Variants in TEKT4 observed in about 807,000 individuals in gnomAD.
The protein encoded by TEKT4 is tektin-4.
TEKT4 carries 46 observed loss-of-function variants against 46.0 expected under a neutral mutation model. That is an observed-to-expected ratio of 1.00 (90% CI 0.79 to 1.28). The LOEUF (loss-of-function observed/expected upper bound fraction) is 1.28. Among genes scored for constraint, TEKT4 ranks in the 50% most tolerant of loss-of-function variants. TEKT4 has a pLI of 0.00. For synonymous variants in TEKT4, 325 were observed against 265.8 expected (o/e 1.22, Z -2.17); for missense variants, 790 against 622.9 (o/e 1.27, Z -2.85).
chr2:94,874,592 G>A (rs1553395728), intron 3 of TEKT4, among the ~76,000 whole-genome samples, 184 bp from the exon 4 acceptor site: 1 of 151,790 alleles, frequency 6.6e-6, no homozygotes, highest in African/African-American at 2.4e-5. Context: ...AGAAGTTGTG[G>A]CCAGGGGGCA....
At chr2:94,873,138 G>A in intron 1 of TEKT4, 1 of 1,225,066 alleles carries the variant, frequency 8.2e-7, no homozygotes, top group Non-Finnish European at 1.0e-6. Flanking sequence ...CTGAGGGGCA[G>A]CCTGGGCGGG....
chr2:94,872,111 G>A (rs1486231049), intron 1 of TEKT4, 34 bp downstream of exon 1: 1 of 1,496,412 alleles, frequency 6.7e-7, no homozygotes, highest in Non-Finnish European at 8.9e-7. Context: ...GGATTTGTGG[G>A]CGCAGAGAGG....
At chr2:94,873,824 G>T in intron 2 of TEKT4, 141 bp from the exon 3 acceptor site, 1 of 1,297,884 alleles carries the variant, frequency 7.7e-7, no homozygotes, top group Non-Finnish European at 1.1e-6. Context: ...CCTGGTCACT[G>T]CTGAGCACGA....
In TEKT4 at chr2:94,871,836, ACT is replaced by A. The variant is rs1553394592; in HGVS notation, c.259_260del (p.Ser87HisfsTer21). 5 of 1,607,516 alleles carry A rather than the reference ACT, an allele frequency of 3.1e-6. No homozygotes were observed. The Admixed American group carries it at 8.4e-5, about 27-fold the overall frequency. The stretch of plus-strand genomic sequence containing the variant: ...GCGCTGGCGCAGCGCACGCAGCAAG[ACT>A]CCACGCGCACAGTGGGCGAGCGACT... On this transcript the variant is annotated frameshift_variant, in exon 1 of 6. Coordinates refer to ENST00000295201, the MANE Select transcript of TEKT4 (RefSeq NM_144705.4). LOFTEE classifies it high-confidence loss of function.
chr2:94,872,868 A>T lies in TEKT4; in HGVS notation c.499-652A>T, dbSNP rs781933703. 198 of 1,289,170 alleles carry T rather than the reference A, an allele frequency of 1.5e-4. 4 individuals carry two copies. The highest frequency in any genetic ancestry group is 5.5e-5 in the Non-Finnish European group (54 of 988,856). The allele number at this position is 1,289,170 out of a possible 1,614,324, so 79.9% of individuals were successfully genotyped here. Reference sequence around the variant, plus strand: ...CCTCAAGAACTCCTGCAGCTCCCGCAAACTCTCTGCCCGCAACAAGGGCAC... The same window carrying T: ...CCTCAAGAACTCCTGCAGCTCCCGCTAACTCTCTGCCCGCAACAAGGGCAC... On this transcript the variant is annotated intron_variant, in intron 1 of 5. Transcript: ENST00000295201.
At position 94,873,945 on chromosome 2, in the gene TEKT4, C is replaced by G. The variant is rs1680699205; in HGVS notation, c.570-20C>G. On this transcript the variant is annotated intron_variant, in intron 2 of 5. Coordinates refer to ENST00000295201, the MANE Select transcript of TEKT4 (RefSeq NM_144705.4). Reference sequence around the variant, plus strand: ...GCCCTCCCTGGGCACACATCAAGGCCCTGCCCCACCCCGCCCCAGACTGAA... The same window carrying G: ...GCCCTCCCTGGGCACACATCAAGGCGCTGCCCCACCCCGCCCCAGACTGAA... 7 of 1,613,424 alleles carry G rather than the reference C, an allele frequency of 4.3e-6. No individual in the cohort carries two copies. Among genetic ancestry groups the G allele is most frequent in the Non-Finnish European group, 4.2e-6 (5 of 1,179,870 alleles).
Position 94,871,526 on chromosome 2 carries a change from C to T in TEKT4, c.-54C>T. The stretch of plus-strand genomic sequence containing the variant: ...GCTGACCGCACTAGGCTGACCGCAA[C>T]CGGCTGACCACACACAGTCCTCACT... On this transcript the variant is annotated 5_prime_UTR_variant, in exon 1 of 6. Transcript: ENST00000295201. The T allele has an allele frequency of 6.6e-7, 1 of 1,504,644 alleles. No individual in the cohort carries two copies. Among genetic ancestry groups the T allele is most frequent in the East Asian group, 2.4e-5 (1 of 41,608 alleles). The allele number at this position is 1,504,644 out of a possible 1,614,324, so 93.2% of individuals were successfully genotyped here. A position where few individuals can be genotyped will look rare whatever the true frequency, so the allele number is the denominator to read the frequency against.
rs74673300 is a variant in TEKT4 at position 94,871,899 on chromosome 2, G to A, written c.320G>A (p.Arg107His). The A allele has an allele frequency of 7.6e-3, 12,124 of 1,597,490 alleles. 74 individuals carry two copies. The highest frequency in any genetic ancestry group is 8.8e-3 in the Non-Finnish European group (10,364 of 1,175,992). The change falls in exon 1 of 6, where the codon CGT becomes CAT. Residue 107 changes from arginine (R) to histidine (H), a missense_variant. Coordinates refer to ENST00000295201, the MANE Select transcript of TEKT4 (RefSeq NM_144705.4). ...DTHSWKSELQ[R>H]EMEALAAETN... is the part of the protein sequence containing the mutation. Reference sequence around the variant, plus strand: ...CACAGCTGGAAGTCGGAGCTGCAGCGTGAGATGGAGGCGCTGGCTGCGGAG... The same window carrying A: ...CACAGCTGGAAGTCGGAGCTGCAGCATGAGATGGAGGCGCTGGCTGCGGAG...
chr2:94,876,637 C>G lies in TEKT4; in HGVS notation c.1176C>G (p.Asn392Lys). 1 of 1,613,260 alleles carries G rather than the reference C, an allele frequency of 6.2e-7. No individual in the cohort carries two copies. Among genetic ancestry groups the G allele is most frequent in the Non-Finnish European group, 8.5e-7 (1 of 1,179,950 alleles). ...KLLEAEQSLRNLEDIHMSLEK... is the reference protein window; with the variant it reads ...KLLEAEQSLRKLEDIHMSLEK... ...TAGAAGCGGAGCAGTCCCTGCGCAA[C>G]CTCGAGGACATCCACATGAGCCTGG... is the stretch of plus-strand genomic sequence containing the variant. The change falls in exon 6 of 6, where the codon AAC becomes AAG. Residue 392 changes from asparagine to lysine, a missense_variant. By Grantham distance (94) the Asn-to-Lys change is moderately conservative. Coordinates refer to ENST00000295201, the MANE Select transcript of TEKT4 (RefSeq NM_144705.4).
At chr2:94,876,515 C>T (rs782375692) in intron 5 of TEKT4, 38 bp from the exon 6 acceptor site, 1 of 1,559,172 alleles carries the variant, frequency 6.4e-7, no homozygotes, top group Non-Finnish European at 8.7e-7. Flanking sequence ...TACTTCTGCC[C>T]TCCCTAGCCC....
chr2:94,873,765 G>C (rs114139683), intron 2 of TEKT4, among the ~76,000 whole-genome samples, 175 bp downstream of exon 2: 3 of 152,180 alleles, frequency 2.0e-5, no homozygotes, highest in Non-Finnish European at 4.4e-5. Context: ...TGAGTGGCCA[G>C]AGCCCAGTGC....
Position 94,872,198 on chromosome 2 carries a change from C to G in TEKT4, c.498+121C>G, listed in dbSNP as rs1383371758. On this transcript the variant is annotated intron_variant, in intron 1 of 5. Transcript: ENST00000295201. ...GCACGCGGGAGCCCAGCCCTCTGCA[C>G]GTGAGACCCCTGAGTCCCGAAATCT... 9 of 1,306,668 alleles carry G rather than the reference C, an allele frequency of 6.9e-6. No individual in the cohort carries two copies. The South Asian group carries it at 1.1e-4, about 16-fold the overall frequency. The allele number at this position is 1,306,668 out of a possible 1,614,324, so 80.9% of individuals were successfully genotyped here.
In TEKT4 at chr2:94,876,819, C is replaced by T. The variant is rs1553396828; in HGVS notation, c.*50C>T. On this transcript the variant is annotated 3_prime_UTR_variant, in exon 6 of 6. Coordinates refer to ENST00000295201, the MANE Select transcript of TEKT4 (RefSeq NM_144705.4). Reference sequence around the variant, plus strand: ...GTCCCCCAAATAAACAGCGCGTTAGCTTTCTGCACAGTGTGTGTGTGTGCA... The same window carrying T: ...GTCCCCCAAATAAACAGCGCGTTAGTTTTCTGCACAGTGTGTGTGTGTGCA... 1 of 1,532,752 alleles carries T rather than the reference C, an allele frequency of 6.5e-7. No homozygotes were observed. Among genetic ancestry groups the T allele is most frequent in the Non-Finnish European group, 8.9e-7 (1 of 1,127,260 alleles). 94.9% of individuals were successfully genotyped at this position (1,532,752 alleles called of 1,614,324 possible).
intron 2 of TEKT4, 81 bp from the exon 3 acceptor site, chr2:94,873,884 G>A: frequency 6.4e-7 from 1 of 1,571,176 alleles, no homozygotes; most frequent in Admixed American, 1.8e-5. Context: ...GGCAGGCATT[G>A]GGGCCCAGCC....
chr2:94,873,909 T>TCC, intron 2 of TEKT4, 56 bp from the exon 3 acceptor site: 2 of 1,603,164 alleles, frequency 1.2e-6, no homozygotes, highest in Non-Finnish European at 1.7e-6. Context: ...GCACAGAGGG[T>TCC]CCCCAGCAGG....
Position 94,875,512 on chromosome 2 carries a change from A to T in TEKT4, c.937-76A>T. On this transcript the variant is annotated intron_variant, in intron 4 of 5. Transcript: ENST00000295201. The stretch of plus-strand genomic sequence containing the variant: ...CTGGACACAGCCCCAAGACCTGGGT[A>T]GGACCAGCCTGGTCTCGGCGTTCTA... 3 of 1,588,520 alleles carry T rather than the reference A, an allele frequency of 1.9e-6. No individual in the cohort carries two copies. In the South Asian group the frequency reaches 3.5e-5, roughly 19 times the overall value.
rs781839128 is a variant in TEKT4 at position 94,876,537 on chromosome 2, C to T, written c.1092-16C>T. ...GCCCTCCCTAGCCCCGGCTCACACC[C>T]CCCCAACACCCCCAGGCTGTTGAGT... On this transcript the variant is annotated splice_polypyrimidine_tract_variant and intron_variant, in intron 5 of 5. Transcript: ENST00000295201. 15 of 1,592,712 alleles carry T rather than the reference C, an allele frequency of 9.4e-6. No individual in the cohort carries two copies. Among genetic ancestry groups the T allele is most frequent in the Non-Finnish European group, 1.7e-6 (2 of 1,171,340 alleles).
At chr2:94,872,737 A>G in intron 1 of TEKT4, 1 of 1,097,964 alleles carries the variant, frequency 9.1e-7, no homozygotes, top group Non-Finnish European at 1.2e-6. Context: ...GTCTCCTGCC[A>G]TACCCCAAGC....
At chr2:94,872,729 C>T in intron 1 of TEKT4, 2 of 1,008,460 alleles carry the variant, frequency 2.0e-6, no homozygotes, top group African/African-American at 1.7e-5. Flanking sequence ...GGCAGCTGGT[C>T]TCCTGCCATA....
Sources: gnomAD v4.1 joint callset for allele counts (sites outside exome capture counted in the v4.1 genomes callset) on GRCh38, gnomAD v4.1.1 for gene constraint, MANE v1.5 for transcripts, NCBI Gene and HGNC (gene_info 2026-07-23, HGNC 2026-07-21) for gene names.